Variants in C5orf46 observed in about 807,000 individuals in gnomAD.
The protein encoded by C5orf46 is uncharacterized protein C5orf46.
Under a neutral mutation model 8.9 loss-of-function variants are expected in C5orf46, and 9 were observed. The ratio of observed to expected loss-of-function variants is 1.01; its 90% CI spans 0.61 to 1.76. The LOEUF is 1.76. Ranked by LOEUF, C5orf46 falls within the 40% of genes most tolerant of loss-of-function variation. The probability of loss-of-function intolerance (pLI) is 0.00; values close to 1 mark genes in which losing one functional copy is unlikely to be tolerated. For synonymous variants in C5orf46, 47 were observed against 41.4 expected (o/e 1.14, Z -0.52); for missense variants, 98 against 107.8 (o/e 0.91, Z 0.40).
downstream of C5orf46, among the ~76,000 whole-genome samples, chr5:147,889,585 C>A (rs985607804): frequency 6.6e-6 from 1 of 152,124 alleles, no homozygotes; most frequent in Non-Finnish European, 1.5e-5. Flanking sequence ...AGCAAACCAC[C>A]ATGGCACACG....
chr5:147,895,608 A>G (rs2127126659), intron 3 of C5orf46, among the ~76,000 whole-genome samples: 1 of 152,240 alleles, frequency 6.6e-6, no homozygotes, highest in South Asian at 2.1e-4. Context: ...GGCCTTGCCT[A>G]TTAGACTACA....
At chr5:147,904,672 G>T (rs1215440354) in intron 1 of C5orf46, among the ~76,000 whole-genome samples, 1 of 152,096 alleles carries the variant, frequency 6.6e-6, no homozygotes, top group Non-Finnish European at 1.5e-5. Flanking sequence ...AGGTATTAAA[G>T]TGTGATGGAT....
At chr5:147,892,561 A>G (rs1255286865), downstream of C5orf46, 1 of 152,110 alleles carries the variant, frequency 6.6e-6, no homozygotes, top group African/African-American at 2.4e-5. Context: ...AACTTGCTAC[A>G]TTATCTGGGC....
At position 147,901,635 on chromosome 5, in the gene C5orf46, C is replaced by T; in HGVS notation, c.209G>A (p.Arg70Lys). ...CGTTTTTCTCAGTGCTTACGTGCTC[C>T]TGGACATGGAGCGGAGGATGAACTC... ...AVEFILRSMS[R>K]STGFMEFDDN... The change falls in exon 2 of 4, where the codon AGG becomes AAG. Residue 70 changes from arginine to lysine, a missense_variant. Physicochemically the swap from Arg to Lys is conservative, Grantham distance 26. Transcript: ENST00000318315. 3 of 1,613,854 alleles carry T rather than the reference C, an allele frequency of 1.9e-6. No individual in the cohort carries two copies. The highest frequency in any genetic ancestry group is 2.5e-6 in the Non-Finnish European group (3 of 1,179,884).
At chr5:147,901,600 C>G (rs751466868) in intron 2 of C5orf46, 29 bp downstream of exon 2, 1 of 1,605,328 alleles carries the variant, frequency 6.2e-7, no homozygotes, top group Non-Finnish European at 8.5e-7. Context: ...GAGAATTGGA[C>G]AAAAAGCAAC....
rs774445059 is a variant in C5orf46, at chr5:147,906,429, T to C, written c.70+3A>G. On this transcript the variant is annotated splice_donor_region_variant and intron_variant, in intron 1 of 3. Coordinates refer to ENST00000318315, the MANE Select transcript of C5orf46 (RefSeq NM_206966.3). ...TTCATGGGCTGTGATCAGAAGCACTTACCTGCATAGCAGGTCAGGAATAAG... is the reference window on the plus strand; with the variant it reads ...TTCATGGGCTGTGATCAGAAGCACTCACCTGCATAGCAGGTCAGGAATAAG... 3.1e-6 allele frequency: 5 copies of C among 1,596,760 alleles called. No individual in the cohort carries two copies. The highest frequency in any genetic ancestry group is 4.3e-6 in the Non-Finnish European group (5 of 1,166,060).
intron 2 of C5orf46, chr5:147,901,209 C>A (rs891508010): frequency 6.5e-6 from 1 of 154,658 alleles, no homozygotes; most frequent in African/African-American, 2.4e-5. Context: ...TTACAAGGGG[C>A]GGGCCATCTA....
In C5orf46 at chr5:147,897,047, GA is replaced by G; in HGVS notation, c.216-7del. 7 of 1,357,996 alleles carry G rather than the reference GA, an allele frequency of 5.2e-6. No homozygotes were observed. The highest frequency in any genetic ancestry group is 2.0e-5 in the Admixed American group (1 of 50,130). The allele number at this position is 1,357,996 out of a possible 1,614,324, so 84.1% of individuals were successfully genotyped here. ...CATCAAATTCCATAAATCCTCTTGA[GA>G]AAAAAAGAGAAAATAAGAATTACAA... On this transcript the variant is annotated splice_polypyrimidine_tract_variant and splice_region_variant and intron_variant, in intron 2 of 3. Coordinates refer to ENST00000318315, the MANE Select transcript of C5orf46 (RefSeq NM_206966.3).
chr5:147,892,203 G>C (rs1757511797), downstream of C5orf46, among the ~76,000 whole-genome samples: 1 of 152,180 alleles, frequency 6.6e-6, no homozygotes, highest in Admixed American at 6.5e-5. Context: ...CTTCTGGTAA[G>C]TGGGCAAGAA....
chr5:147,896,776 T>C (rs968226454), intron 3 of C5orf46, among the ~76,000 whole-genome samples: 2 of 152,180 alleles, frequency 1.3e-5, no homozygotes, highest in African/African-American at 4.8e-5. Context: ...ATTCACTTCA[T>C]CTCACAGCTC....
At chr5:147,887,578 G>A (rs550436168) in intron 2 of C5orf46, 1 of 152,190 alleles carries the variant, frequency 6.6e-6, no homozygotes, top group Non-Finnish European at 1.5e-5. Context: ...GATCTTTGCT[G>A]GACAGGAAGC....
At chr5:147,889,616 G>T (rs141744306), downstream of C5orf46, among the ~76,000 whole-genome samples, 17 of 152,148 alleles carry the variant, frequency 1.1e-4, no homozygotes, top group Non-Finnish European at 1.9e-4. Flanking sequence ...TAACAAACCT[G>T]CATGTCCTGC....
downstream of C5orf46, among the ~76,000 whole-genome samples, chr5:147,887,986 A>G (rs550047127): frequency 6.6e-6 from 1 of 152,170 alleles, no homozygotes; most frequent in Non-Finnish European, 1.5e-5. Flanking sequence ...ATTAGGTGTC[A>G]TGGTCATGGC....
chr5:147,906,144 A>T lies in C5orf46; in HGVS notation c.70+288T>A, dbSNP rs1460976656. ...TATTAGGAATAATTATCAAAAAATA[A>T]ATGCCAGTCAGCTCCCATGGAATTT... On this transcript the variant is annotated intron_variant, in intron 1 of 3. Transcript: ENST00000318315. 5.3e-5 allele frequency among the ~76,000 whole-genome samples: 8 copies of T among 152,208 alleles called. 1 individual carries two copies. Among genetic ancestry groups the T allele is most frequent in the Admixed American group, 5.2e-4 (8 of 15,282 alleles).
At chr5:147,904,923 A>C (rs1422134753) in intron 1 of C5orf46, among the ~76,000 whole-genome samples, 1 of 150,488 alleles carries the variant, frequency 6.6e-6, no homozygotes, top group East Asian at 1.9e-4. Context: ...TCCCAAGATA[A>C]ACTTACCTTA....
chr5:147,906,242 G>A (rs1217069981), intron 1 of C5orf46, among the ~76,000 whole-genome samples, 190 bp downstream of exon 1: 2 of 152,190 alleles, frequency 1.3e-5, no homozygotes, highest in Non-Finnish European at 2.9e-5. Flanking sequence ...ACTGAAAATA[G>A]AGGCTAGGTT....
At chr5:147,886,608 A>G (rs1378548361) in intron 2 of C5orf46, 1 of 151,284 alleles carries the variant, frequency 6.6e-6, no homozygotes, top group Non-Finnish European at 1.5e-5. Flanking sequence ...CACTGTTCAC[A>G]TTGATGTGCT....
chr5:147,899,330 C>T (rs757158771), intron 2 of C5orf46, among the ~76,000 whole-genome samples: 2 of 152,162 alleles, frequency 1.3e-5, no homozygotes, highest in East Asian at 1.9e-4. Context: ...TACTTTCTGA[C>T]GTCTCCTCCT....
intron 1 of C5orf46, 143 bp from the exon 2 acceptor site, chr5:147,901,916 C>A: frequency 1.2e-6 from 1 of 821,058 alleles, no homozygotes; most frequent in Non-Finnish European, 1.9e-6. Flanking sequence ...ACATTTAATG[C>A]CTGTCTGGAT....
Sources: gnomAD v4.1 joint callset for allele counts (sites outside exome capture counted in the v4.1 genomes callset) on GRCh38, gnomAD v4.1.1 for gene constraint, MANE v1.5 for transcripts, NCBI Gene and HGNC (gene_info 2026-07-23, HGNC 2026-07-21) for gene names.